Variants in PTPN21 observed in about 807,000 individuals in gnomAD.
PTPN21 encodes tyrosine-protein phosphatase non-receptor type 21.
In PTPN21, 77 loss-of-function variants were observed where a neutral mutation model predicts 131.8. That is an observed-to-expected ratio of 0.58 (90% CI 0.49 to 0.71). The LOEUF is 0.71. Among genes scored for constraint, PTPN21 ranks in the 30% least tolerant of loss-of-function variants. The pLI is 0.00. For synonymous variants in PTPN21, 715 were observed against 621.3 expected, an observed-to-expected ratio of 1.15 and a Z score of -2.24; for missense variants, 1,552 against 1,527.1, an observed-to-expected ratio of 1.02 and a Z score of -0.27.
chr14:88,535,994 A>G (rs1290373615), intron 2 of PTPN21, among the ~76,000 whole-genome samples: 1 of 152,222 alleles, frequency 6.6e-6, no homozygotes, highest in Non-Finnish European at 1.5e-5. Context: ...ACTTTGTTAT[A>G]TAACTTTCCA....
intron 3 of PTPN21, chr14:88,515,151 T>A (rs1271697956): frequency 6.6e-6 from 1 of 152,194 alleles, no homozygotes; most frequent in African/African-American, 2.4e-5. Flanking sequence ...TCAGACAAGC[T>A]CTGCAAGGCT....
chr14:88,523,375 T>C (rs887212889), intron 2 of PTPN21, among the ~76,000 whole-genome samples: 11 of 152,000 alleles, frequency 7.2e-5, no homozygotes, highest in African/African-American at 2.4e-4. Flanking sequence ...GGAAAAGCAT[T>C]TGACAAAATC....
chr14:88,533,454 C>G (rs562801050), intron 2 of PTPN21, among the ~76,000 whole-genome samples: 1 of 152,192 alleles, frequency 6.6e-6, no homozygotes, highest in Admixed American at 6.5e-5. Flanking sequence ...ACAAACCTAT[C>G]GTGCTACCAA....
intron 13 of PTPN21, 69 bp downstream of exon 13, chr14:88,478,851 G>T (rs924974092): frequency 1.9e-6 from 2 of 1,068,516 alleles, no homozygotes; most frequent in Non-Finnish European, 2.5e-6. Context: ...CACGGGACGT[G>T]ATGAGTGAAA....
rs2140099901 is a variant in PTPN21, at chr14:88,480,014, G to A, written c.1417C>T (p.Arg473Ter). ...TACGAGCTGCCGATGTTGAGGTTTC[G>A]CAGCGAGTGGCTCTGCCGTTCCGCA... ...VHAERQSHSLRNLNIGSSYAY... is the reference protein window; with the variant it reads ...VHAERQSHSL Residue 473 changes from arginine to a stop codon, truncating the protein, a stop_gained, in exon 13 of 19, where the codon CGA (arginine) becomes TGA (stop). Transcript: ENST00000556564. LOFTEE classifies it high-confidence loss of function. The A allele has an allele frequency of 1.2e-6, 2 of 1,613,326 alleles. No homozygotes were observed. The highest frequency in any genetic ancestry group is 1.7e-6 in the Non-Finnish European group (2 of 1,180,028).
rs886162797 is a variant in PTPN21, at chr14:88,517,276, G to A, written c.181-15C>T. 1.5e-5 allele frequency: 24 copies of A among 1,612,360 alleles called. No homozygotes were observed. Among genetic ancestry groups the A allele is most frequent in the Non-Finnish European group, 2.0e-5 (23 of 1,178,610 alleles). ...AAGTAAGTGACCTGGAAAGACAGAA[G>A]GTCATTGAAGGAGGCAATAACATAC... On this transcript the variant is annotated splice_polypyrimidine_tract_variant and intron_variant, in intron 2 of 18. Transcript: ENST00000556564.
chr14:88,518,384 G>GTCTATATATATATATA (rs1383018796), intron 2 of PTPN21, among the ~76,000 whole-genome samples: 2 of 13,328 alleles, frequency 1.5e-4, no homozygotes, highest in East Asian at 5.4e-3. Context: ...ATGTGTGTGT[G>GTCTATATATATATATA]TGTATATATA....
intron 3 of PTPN21, 53 bp from the exon 4 acceptor site, chr14:88,508,073 TAC>T: frequency 2.1e-6 from 2 of 959,636 alleles, no homozygotes; most frequent in Non-Finnish European, 3.2e-6. Context: ...CTCATTGAGA[TAC>T]AATGCATTTA....
chr14:88,523,726 CACA>C (rs2078434397), intron 2 of PTPN21, among the ~76,000 whole-genome samples: 1 of 150,132 alleles, frequency 6.7e-6, no homozygotes, highest in Non-Finnish European at 1.5e-5. Context: ...GACACACACA[CACA>C]CACACACACA....
Position 88,479,172 on chromosome 14 carries a change from C to T in PTPN21, c.2259G>A (p.Gly753=). 6.4e-7 allele frequency: 1 copy of T among 1,552,992 alleles called. No individual in the cohort carries two copies. Among genetic ancestry groups the T allele is most frequent in the African/African-American group, 1.4e-5 (1 of 72,548 alleles). Residue 753 remains glycine, a synonymous_variant, in exon 13 of 19, where the codon GGG becomes GGA. Coordinates refer to ENST00000556564, the MANE Select transcript of PTPN21 (RefSeq NM_007039.4). The part of the protein sequence containing the change: ...PPGCPRVLLA[G]PLHILEPKAH... ...CCTTGGGCTCCAGGATGTGCAGGGGCCCGGCGAGCAGGACGCGAGGGCAGC... is the reference window on the plus strand; with the variant it reads ...CCTTGGGCTCCAGGATGTGCAGGGGTCCGGCGAGCAGGACGCGAGGGCAGC...
intron 15 of PTPN21, among the ~76,000 whole-genome samples, chr14:88,471,989 T>G (rs542915361): frequency 6.6e-6 from 1 of 151,898 alleles, no homozygotes; most frequent in East Asian, 1.9e-4. Flanking sequence ...GGCAGAGTGG[T>G]TTCGCACATG....
At chr14:88,502,163 AC>A (rs2078018975) in intron 6 of PTPN21, among the ~76,000 whole-genome samples, 7 of 152,204 alleles carry the variant, frequency 4.6e-5, no homozygotes, top group Admixed American at 2.6e-4. Context: ...GTGCATGCAG[AC>A]TTGCATCTCC....
At chr14:88,492,727 T>C (rs2077843539) in intron 10 of PTPN21, among the ~76,000 whole-genome samples, 1 of 152,202 alleles carries the variant, frequency 6.6e-6, no homozygotes, top group African/African-American at 2.4e-5. Context: ...ATGCCCTTGT[T>C]AGACTTTGCC....
chr14:88,494,438 C>A (rs1422267818), intron 10 of PTPN21, among the ~76,000 whole-genome samples: 2 of 152,000 alleles, frequency 1.3e-5, no homozygotes, highest in African/African-American at 4.8e-5. Context: ...GAGGCCGGGG[C>A]AGGAGGATTC....
chr14:88,493,893 TAGCTGA>T (rs2077864008), intron 10 of PTPN21, among the ~76,000 whole-genome samples: 1 of 152,190 alleles, frequency 6.6e-6, no homozygotes, highest in Admixed American at 6.5e-5. Flanking sequence ...ATCTATAGAT[TAGCTGA>T]ACAAATTCAT....
intron 2 of PTPN21, among the ~76,000 whole-genome samples, chr14:88,528,236 G>A (rs2078509144): frequency 6.6e-6 from 1 of 152,116 alleles, no homozygotes; most frequent in Admixed American, 6.5e-5. Flanking sequence ...TATTGCTTTT[G>A]GCAATATGGT....
chr14:88,470,068 T>TA lies in PTPN21; in HGVS notation c.2872-19dup, dbSNP rs748514941. On this transcript the variant is annotated intron_variant, in intron 15 of 18. Transcript: ENST00000556564. ...ACAGAGACCTGGGATTAGAAAAGGT[T>TA]AAAAAAATTGATGTGTGGGTATAAT... 1.9e-5 allele frequency: 30 copies of TA among 1,608,824 alleles called. No homozygotes were observed. The highest frequency in any genetic ancestry group is 3.3e-4 in the Middle Eastern group (2 of 6,072).
At chr14:88,532,222 A>G (rs1296345359) in intron 2 of PTPN21, among the ~76,000 whole-genome samples, 1 of 152,222 alleles carries the variant, frequency 6.6e-6, no homozygotes, top group Non-Finnish European at 1.5e-5. Flanking sequence ...AACTATTCCA[A>G]AAGATAGAGA....
Position 88,479,000 on chromosome 14 carries a change from T to C in PTPN21, c.2431A>G (p.Arg811Gly), listed in dbSNP as rs1305453601. ...ACCGGCCTTTTCTTCAGAGAGTCCC[T>C]CCGGGCTCGGTAGCGGCCTGACGTG... ...LTTSGRYRARRDSLKKRPVSD... is the reference protein window; with the variant it reads ...LTTSGRYRARGDSLKKRPVSD... Residue 811 changes from arginine to glycine, a missense_variant, in exon 13 of 19, where the codon AGG becomes GGG. Physicochemically the swap from Arg to Gly is moderately radical, Grantham distance 125. Transcript: ENST00000556564. 1 of 1,597,212 alleles carries C rather than the reference T, an allele frequency of 6.3e-7. No homozygotes were observed. The highest frequency in any genetic ancestry group is 8.5e-7 in the Non-Finnish European group (1 of 1,172,988).
Sources: gnomAD v4.1 joint callset for allele counts (sites outside exome capture counted in the v4.1 genomes callset) on GRCh38, gnomAD v4.1.1 for gene constraint, MANE v1.5 for transcripts, NCBI Gene and HGNC (gene_info 2026-07-23, HGNC 2026-07-21) for gene names.